The following DLC1 variants were observed in gnomAD, a reference collection of about 807,000 sequenced individuals.
DLC1 encodes the protein DLC1 Rho GTPase activating protein, also known as rho GTPase-activating protein 7.
A neutral mutation model predicts 140.3 loss-of-function variants in DLC1; 54 were observed. The ratio of observed to expected loss-of-function variants is 0.38; its 90% CI spans 0.31 to 0.48. DLC1 has a LOEUF of 0.48. Among genes scored for constraint, DLC1 ranks in the 20% least tolerant of loss-of-function variants. The pLI, the probability that DLC1 is intolerant of heterozygous loss-of-function variation, is 0.96. For missense variants in DLC1, 2,536 were observed against 1,907.0 expected, an observed-to-expected ratio of 1.33 and a Z score of -6.14; for synonymous variants, 986 against 728.1, an observed-to-expected ratio of 1.35 and a Z score of -5.70.
chr8:13,464,154 C>T (rs376532509), intron 2 of DLC1, among the ~76,000 whole-genome samples: 1 of 152,128 alleles, frequency 6.6e-6, no homozygotes, highest in Non-Finnish European at 1.5e-5. Context: ...CTTCTTAAAA[C>T]CCTGGGCTTT....
intron 5 of DLC1, among the ~76,000 whole-genome samples, chr8:13,278,502 A>C (rs1831254030): frequency 6.6e-6 from 1 of 152,224 alleles, no homozygotes; most frequent in Non-Finnish European, 1.5e-5. Context: ...AGGAAATATC[A>C]CATCGACCAA....
At chr8:13,389,727 C>T (rs986513139) in intron 4 of DLC1, among the ~76,000 whole-genome samples, 1 of 151,966 alleles carries the variant, frequency 6.6e-6, no homozygotes, top group African/African-American at 2.4e-5. Flanking sequence ...CACTTAGAAA[C>T]CCAGAGACCT....
rs1563407732 is a variant in DLC1 at position 13,506,612 on chromosome 8, C to CGT, written c.-125-6417_-125-6416insAC. Among the ~76,000 whole-genome samples the CGT allele has an allele frequency of 7.5e-4, 97 of 128,640 alleles. 8 individuals carry two copies. In the East Asian group the frequency reaches 0.024, roughly 31 times the overall value. The allele number at this position is 128,640 out of a possible 152,430, so 84.4% of individuals were successfully genotyped here. On this transcript the variant is annotated intron_variant, in intron 1 of 17. Coordinates refer to ENST00000276297, the MANE Select transcript of DLC1 (RefSeq NM_182643.3). ...ATATATATATATATATATATATACA[C>CGT]ATATATATACACACAGAGAGACACA...
At chr8:13,566,568 A>C (rs1804435421) in intron 1 of DLC1, among the ~76,000 whole-genome samples, 1 of 152,208 alleles carries the variant, frequency 6.6e-6, no homozygotes, top group Non-Finnish European at 1.5e-5. Flanking sequence ...AGATGCATTT[A>C]GGCGGGCGTA....
At chr8:13,544,280 C>G (rs1214388359) in intron 1 of DLC1, among the ~76,000 whole-genome samples, 2 of 151,828 alleles carry the variant, frequency 1.3e-5, no homozygotes, top group African/African-American at 4.8e-5. Context: ...CAATAATTTG[C>G]AACCCAGAGA....
rs536954721 is a variant in DLC1, at chr8:13,324,726, C to T, written c.1315-19424G>A. ...CTTATGAAATATAAAATTTAAGTTACTTTTTAAGATTAGAGTCTTGTTGCA... is the reference window on the plus strand; with the variant it reads ...CTTATGAAATATAAAATTTAAGTTATTTTTTAAGATTAGAGTCTTGTTGCA... On this transcript the variant is annotated intron_variant, in intron 4 of 17. Transcript: ENST00000276297. Among the ~76,000 whole-genome samples, 5 of 152,020 alleles carry T rather than the reference C, an allele frequency of 3.3e-5. No individual in the cohort carries two copies. The South Asian group carries it at 8.3e-4, about 25-fold the overall frequency.
chr8:13,348,128 G>A (rs79432345), intron 4 of DLC1, among the ~76,000 whole-genome samples: 47,217 of 150,672 alleles, frequency 0.31, 8,161 homozygotes, highest in Non-Finnish European at 0.4. Context: ...CAAACTTCCT[G>A]GAGAAGATAC....
intron 4 of DLC1, among the ~76,000 whole-genome samples, chr8:13,363,826 T>C (rs73205705): frequency 0.13 from 20,190 of 152,164 alleles, 1,476 homozygotes; most frequent in Non-Finnish European, 0.16. Context: ...TTAGATTTGG[T>C]ACCAAAATGA....
rs542150579 is a variant in DLC1, at chr8:13,513,014, G to C, written c.-126+1588C>G. Among the ~76,000 whole-genome samples, 187 of 141,628 alleles carry C rather than the reference G, an allele frequency of 1.3e-3. 1 individual carries two copies. The highest frequency in any genetic ancestry group is 1.8e-3 in the Non-Finnish European group (121 of 66,380). 92.9% of individuals were successfully genotyped at this position (141,628 alleles called of 152,430 possible). A position where few individuals can be genotyped will look rare whatever the true frequency, so the allele number is the denominator to read the frequency against. ...TTAGAGGAACTGCAAATTTCTGTCT[G>C]CAAAGCACCCTTCTACTGGACATGT... On this transcript the variant is annotated intron_variant, in intron 1 of 17. Transcript: ENST00000276297.
At chr8:13,129,868 G>C (rs1821929590) in intron 5 of DLC1, among the ~76,000 whole-genome samples, 1 of 152,194 alleles carries the variant, frequency 6.6e-6, no homozygotes, top group African/African-American at 2.4e-5. Context: ...GGCTATACAG[G>C]GTGAATGGTA....
intron 5 of DLC1, among the ~76,000 whole-genome samples, chr8:13,200,229 A>G (rs1411675870): frequency 6.7e-6 from 1 of 148,300 alleles, no homozygotes; most frequent in East Asian, 2.0e-4. Flanking sequence ...TTTTTTGTAT[A>G]TATATATTTT....
At chr8:13,123,495 C>G (rs191371032) in intron 5 of DLC1, among the ~76,000 whole-genome samples, 1 of 146,740 alleles carries the variant, frequency 6.8e-6, no homozygotes, top group African/African-American at 2.6e-5. Context: ...CGCCCGCCAC[C>G]ACAATGAGCT....
At chr8:13,481,339 A>C (rs1322097951) in intron 2 of DLC1, among the ~76,000 whole-genome samples, 1 of 152,156 alleles carries the variant, frequency 6.6e-6, no homozygotes, top group Non-Finnish European at 1.5e-5. Context: ...AGGTGGGAGA[A>C]TCACCTGAGT....
chr8:13,183,445 TG>T (rs1476128094), intron 5 of DLC1, among the ~76,000 whole-genome samples: 2 of 152,230 alleles, frequency 1.3e-5, no homozygotes, highest in African/African-American at 4.8e-5. Flanking sequence ...TGATATTGGC[TG>T]TGGGTTTGTC....
chr8:13,453,449 CATAT>C (rs1233667712), intron 2 of DLC1, among the ~76,000 whole-genome samples: 2 of 10,556 alleles, frequency 1.9e-4, no homozygotes, highest in East Asian at 3.8e-3. Context: ...TATATATATA[CATAT>C]ATATATGTAT....
chr8:13,475,314 C>CA (rs1351490977), intron 2 of DLC1, among the ~76,000 whole-genome samples: 5 of 152,002 alleles, frequency 3.3e-5, no homozygotes, highest in Non-Finnish European at 7.4e-5. Flanking sequence ...AAGTTTATTT[C>CA]AAAAAAATCT....
intron 5 of DLC1, among the ~76,000 whole-genome samples, chr8:13,279,697 A>G (rs12542751): frequency 0.12 from 17,716 of 152,270 alleles, 1,157 homozygotes; most frequent in South Asian, 0.16. Context: ...TTTTATGGGT[A>G]TAGTGTAAAG....
At chr8:13,101,008 G>C (rs776319442) in intron 8 of DLC1, 1 of 421,950 alleles carries the variant, frequency 2.4e-6, no homozygotes, top group Non-Finnish European at 4.0e-6. Context: ...TCCCACCTGA[G>C]CCTCCCAAAG....
At chr8:13,197,254 A>G (rs187318535) in intron 5 of DLC1, among the ~76,000 whole-genome samples, 1 of 152,230 alleles carries the variant, frequency 6.6e-6, no homozygotes, top group African/African-American at 2.4e-5. Context: ...TTATATCAAC[A>G]TAATTTGTTA....
Sources: gnomAD v4.1 joint callset for allele counts (sites outside exome capture counted in the v4.1 genomes callset) on GRCh38, gnomAD v4.1.1 for gene constraint, MANE v1.5 for transcripts, NCBI Gene and HGNC (gene_info 2026-07-23, HGNC 2026-07-21) for gene names.